Variants in CDO1 observed in about 807,000 individuals in gnomAD.
CDO1 encodes cysteine dioxygenase, type I.
Under a neutral mutation model 24.5 loss-of-function variants are expected in CDO1, and 19 were observed. The ratio of observed to expected loss-of-function variants is 0.77; its 90% CI spans 0.54 to 1.14. The LOEUF (loss-of-function observed/expected upper bound fraction) is 1.14, where lower values mean the gene tolerates loss of function less well. Ranked by LOEUF, CDO1 falls within the 50% of genes most tolerant of loss-of-function variation. CDO1 has a pLI of 0.00. For synonymous variants in CDO1, 91 were observed against 87.0 expected (o/e 1.05, Z -0.26); for missense variants, 244 against 244.8 (o/e 1.00, Z 0.02).
In CDO1 at chr5:115,804,746, C is replaced by A. The variant is rs1759860197; in HGVS notation, c.*687G>T. ...GACACCTTCAAATTGTGTTCAAATC[C>A]ACTTTATTTAAATTATTTGGTAATT... On this transcript the variant is annotated 3_prime_UTR_variant, in exon 5 of 5. Coordinates refer to ENST00000250535, the MANE Select transcript of CDO1 (RefSeq NM_001801.3). 1 of 151,352 alleles carries A rather than the reference C, an allele frequency of 6.6e-6. No homozygotes were observed. The allele number at this position is 151,352 out of a possible 1,614,324, so 9.4% of individuals were successfully genotyped here.
rs749716733 is a variant in CDO1 at position 115,811,330 on chromosome 5, A to C, written c.249-15T>G. 4.4e-6 allele frequency: 7 copies of C among 1,605,044 alleles called. No individual in the cohort carries two copies. The Admixed American group carries it at 1.2e-4, about 27-fold the overall frequency. On this transcript the variant is annotated splice_polypyrimidine_tract_variant and intron_variant, in intron 2 of 4. Transcript: ENST00000250535. ...CATGAATACTGCTATATGTACACAAAATGACAACTGAACTCAGTAGATGGT... is the reference window on the plus strand; with the variant it reads ...CATGAATACTGCTATATGTACACAACATGACAACTGAACTCAGTAGATGGT...
Position 115,812,320 on chromosome 5 carries a change from G to T in CDO1, c.248+861C>A, listed in dbSNP as rs577829186. Among the ~76,000 whole-genome samples, 16 of 152,318 alleles carry T rather than the reference G, an allele frequency of 1.1e-4. No homozygotes were observed. The South Asian group carries it at 3.1e-3, about 30-fold the overall frequency. Reference sequence around the variant, plus strand: ...CCATTCTCAAGACTGAGAAAGGTATGTTTCAAAAGAGAGTAATACTTAGTT... The same window carrying T: ...CCATTCTCAAGACTGAGAAAGGTATTTTTCAAAAGAGAGTAATACTTAGTT... On this transcript the variant is annotated intron_variant, in intron 2 of 4. Transcript: ENST00000250535.
At position 115,805,424 on chromosome 5, in the gene CDO1, T is replaced by C. The variant is rs1322710160; in HGVS notation, c.*9A>G. The stretch of plus-strand genomic sequence containing the variant: ...CCTTAAAGTAAAACCTCAGAGGGTT[T>C]GGTGCCCCTTAGTTGTTCTCCAGCG... On this transcript the variant is annotated 3_prime_UTR_variant, in exon 5 of 5. Transcript: ENST00000250535. The C allele has an allele frequency of 6.2e-7, 1 of 1,613,554 alleles. No homozygotes were observed. The highest frequency in any genetic ancestry group is 8.5e-7 in the Non-Finnish European group (1 of 1,179,754).
At position 115,816,448 on chromosome 5, in the gene CDO1, G is replaced by A. The variant is rs1760454681; in HGVS notation, c.-51C>T. 4 of 1,595,600 alleles carry A rather than the reference G, an allele frequency of 2.5e-6. No individual in the cohort carries two copies. In the Admixed American group the frequency reaches 5.0e-5, roughly 20 times the overall value. The stretch of plus-strand genomic sequence containing the variant: ...GTCTCACTGCTGGGCTGCGGTGGAG[G>A]AGCTGAGCGAGCCAAGGAGCTGGGG... On this transcript the variant is annotated 5_prime_UTR_variant, in exon 1 of 5. Coordinates refer to ENST00000250535, the MANE Select transcript of CDO1 (RefSeq NM_001801.3).
intron 1 of CDO1, among the ~76,000 whole-genome samples, chr5:115,815,224 C>CA (rs1237019611): frequency 6.6e-6 from 1 of 152,060 alleles, no homozygotes; most frequent in Admixed American, 6.5e-5. Context: ...ACCCTAAACC[C>CA]AAAAAACCAC....
At chr5:115,807,008 C>CT (rs34010760) in intron 3 of CDO1, among the ~76,000 whole-genome samples, 1 of 152,184 alleles carries the variant, frequency 6.6e-6, no homozygotes, top group Non-Finnish European at 1.5e-5. Context: ...TCTCAAAACC[C>CT]TTTTACCAAT....
intron 3 of CDO1, among the ~76,000 whole-genome samples, 157 bp from the exon 4 acceptor site, chr5:115,806,675 C>T (rs1248128359): frequency 3.3e-5 from 5 of 152,266 alleles, no homozygotes; most frequent in East Asian, 1.9e-4. Flanking sequence ...GTAAGTGACA[C>T]GCATGCATTA....
At chr5:115,812,872 A>G (rs901148111) in intron 2 of CDO1, among the ~76,000 whole-genome samples, 1 of 151,662 alleles carries the variant, frequency 6.6e-6, no homozygotes, top group Non-Finnish European at 1.5e-5. Context: ...ACATGGTGAA[A>G]CCCCATCTCT....
rs1402773112 is a variant in CDO1 at position 115,816,365 on chromosome 5, G to A, written c.33C>T (p.Thr11=). MEQTEVLKPR[T]LADLIRILHQ... ...GCAGGATGCGGATCAGATCAGCCAGGGTCCGTGGCTTCAGCACTTCGGTCT... is the reference window on the plus strand; with the variant it reads ...GCAGGATGCGGATCAGATCAGCCAGAGTCCGTGGCTTCAGCACTTCGGTCT... The change falls in exon 1 of 5, where the codon ACC becomes ACT. Residue 11 remains threonine (T), a synonymous_variant. Transcript: ENST00000250535. The A allele has an allele frequency of 1.9e-6, 3 of 1,613,856 alleles. No homozygotes were observed. The highest frequency in any genetic ancestry group is 2.2e-5 in the East Asian group (1 of 44,868).
rs1054321176 is a variant in CDO1 at position 115,810,805 on chromosome 5, G to C, written c.403+356C>G. ...AGAGACTAGCTAGCATTCTTAATTAGTTACAGAACATTTTGTTCTATTTTC... is the reference window on the plus strand; with the variant it reads ...AGAGACTAGCTAGCATTCTTAATTACTTACAGAACATTTTGTTCTATTTTC... On this transcript the variant is annotated intron_variant, in intron 3 of 4. Transcript: ENST00000250535. Among the ~76,000 whole-genome samples the C allele has an allele frequency of 2.6e-5, 4 of 152,156 alleles. No homozygotes were observed. The East Asian group carries it at 7.7e-4, about 29-fold the overall frequency.
intron 2 of CDO1, among the ~76,000 whole-genome samples, chr5:115,812,659 G>A (rs1385251168): frequency 6.6e-6 from 1 of 152,014 alleles, no homozygotes; most frequent in Non-Finnish European, 1.5e-5. Flanking sequence ...TTCATTTTGG[G>A]GGCTGGTTTT....
intron 2 of CDO1, among the ~76,000 whole-genome samples, chr5:115,811,973 C>G (rs1283105769): frequency 6.6e-6 from 1 of 152,148 alleles, no homozygotes; most frequent in Non-Finnish European, 1.5e-5. Context: ...TTTATGCAAT[C>G]TCAGAGTGAA....
chr5:115,813,646 C>G (rs1259912780), intron 1 of CDO1, among the ~76,000 whole-genome samples: 1 of 150,242 alleles, frequency 6.7e-6, no homozygotes, highest in Non-Finnish European at 1.5e-5. Flanking sequence ...CTTTTTTCTG[C>G]CTGTAGCTAA....
intron 1 of CDO1, among the ~76,000 whole-genome samples, chr5:115,815,443 A>G (rs1760387761): frequency 6.6e-6 from 1 of 152,178 alleles, no homozygotes. Flanking sequence ...GTCAGAAGCA[A>G]GGATAAGATA....
At chr5:115,809,533 CT>C (rs1223573492) in intron 3 of CDO1, 2 of 152,198 alleles carry the variant, frequency 1.3e-5, no homozygotes, top group Non-Finnish European at 2.9e-5. Flanking sequence ...GCTCACTTTA[CT>C]CTCCTGCTAA....
chr5:115,811,237 C>T lies in CDO1; in HGVS notation c.327G>A (p.Trp109Ter). 3 of 1,613,444 alleles carry T rather than the reference C, an allele frequency of 1.9e-6. No homozygotes were observed. The highest frequency in any genetic ancestry group is 2.5e-6 in the Non-Finnish European group (3 of 1,179,486). ...CCATCTCATTGGATTTTTTGTCAGG[C>T]CAGGCAAATAATGTCTCCTTTAGAT... ...QGNLKETLFA[W>*]PDKKSNEMVK... The change falls in exon 3 of 5, where the codon TGG (tryptophan) becomes TGA (stop). Residue 109 changes from tryptophan (W) to a stop codon, truncating the protein, a stop_gained. Coordinates refer to ENST00000250535, the MANE Select transcript of CDO1 (RefSeq NM_001801.3). LOFTEE classifies it high-confidence loss of function.
intron 3 of CDO1, among the ~76,000 whole-genome samples, chr5:115,807,702 A>C (rs1007522109): frequency 6.6e-6 from 1 of 152,044 alleles, no homozygotes; most frequent in Non-Finnish European, 1.5e-5. Context: ...GGAACAGTTC[A>C]AGAGGTTTAA....
At chr5:115,807,678 A>G in intron 3 of CDO1, among the ~76,000 whole-genome samples, 1 of 139,692 alleles carries the variant, frequency 7.2e-6, no homozygotes, top group East Asian at 2.0e-4. Flanking sequence ...AAAGAAAGAG[A>G]AAAAAAAAAA....
In CDO1 at chr5:115,816,249, T is replaced by A; in HGVS notation, c.149A>T (p.Tyr50Phe). The A allele has an allele frequency of 6.2e-7, 1 of 1,614,202 alleles. No homozygotes were observed. Among genetic ancestry groups the A allele is most frequent in the Non-Finnish European group, 8.5e-7 (1 of 1,180,018 alleles). ...TCACCTGTACTGGTCGAACTTGGCG[T>A]ACATTGCCCACTCGGTGGGGTCGCT... Reference protein sequence around the residue: ...YESDPTEWAMYAKFDQYRYTR... With the variant: ...YESDPTEWAMFAKFDQYRYTR... Residue 50 changes from tyrosine to phenylalanine, a missense_variant, in exon 1 of 5, where the codon TAC becomes TTC. Tyr to Phe is a conservative substitution (Grantham distance 22). Coordinates refer to ENST00000250535, the MANE Select transcript of CDO1 (RefSeq NM_001801.3).
Sources: allele counts gnomAD v4.1 joint callset (sites outside exome capture counted in the v4.1 genomes callset), GRCh38; gene constraint gnomAD v4.1.1; transcripts MANE v1.5; gene names NCBI Gene and HGNC (gene_info 2026-07-23, HGNC 2026-07-21).